MDGA2: variants seen among roughly 807,000 people sequenced by gnomAD.
MDGA2 encodes the protein MAM domain-containing glycosylphosphatidylinositol anchor protein 2.
Under a neutral mutation model 117.8 loss-of-function variants are expected in MDGA2, and 40 were observed. The observed-to-expected ratio is 0.34, with a 90% confidence interval of 0.26 to 0.44. The LOEUF (loss-of-function observed/expected upper bound fraction) is 0.44. MDGA2 is among the 20% of genes least tolerant of loss of function. The pLI is 1.00. For synonymous variants in MDGA2, 452 were observed against 439.0 expected, an observed-to-expected ratio of 1.03 and a Z score of -0.37; for missense variants, 1,123 against 1,250.6, an observed-to-expected ratio of 0.90 and a Z score of 1.54.
intron 1 of MDGA2, among the ~76,000 whole-genome samples, chr14:47,483,794 T>A (rs1011131894): frequency 2.6e-4 from 39 of 152,198 alleles, no homozygotes; most frequent in Non-Finnish European, 4.3e-4. Context: ...TATTTTCATC[T>A]TGTAGTAGTT....
chr14:47,456,982 T>A (rs991098614), intron 1 of MDGA2, among the ~76,000 whole-genome samples: 2 of 151,992 alleles, frequency 1.3e-5, no homozygotes, highest in Admixed American at 6.6e-5. Context: ...TATAATAAGA[T>A]CTTTAGAACC....
chr14:46,911,814 G>A (rs905439972), intron 10 of MDGA2, among the ~76,000 whole-genome samples: 6 of 152,064 alleles, frequency 3.9e-5, no homozygotes, highest in Non-Finnish European at 7.3e-5. Context: ...TGAGCTATAC[G>A]TACATTTAAG....
intron 2 of MDGA2, among the ~76,000 whole-genome samples, chr14:47,281,277 T>C (rs1888480142): frequency 6.6e-6 from 1 of 151,942 alleles, no homozygotes; most frequent in African/African-American, 2.4e-5. Context: ...AATTAATCTA[T>C]AAAATTCACC....
At chr14:47,536,062 C>T (rs1192015443) in intron 1 of MDGA2, among the ~76,000 whole-genome samples, 1 of 152,194 alleles carries the variant, frequency 6.6e-6, no homozygotes, top group Non-Finnish European at 1.5e-5. Context: ...AGTGTGTCCA[C>T]ATCTGTTAAC....
At chr14:47,146,248 C>T (rs1882940407) in intron 3 of MDGA2, among the ~76,000 whole-genome samples, 1 of 152,056 alleles carries the variant, frequency 6.6e-6, no homozygotes, top group African/African-American at 2.4e-5. Context: ...CACTTGACAG[C>T]CCTACTTTGA....
rs1884439643 is a variant in MDGA2 at position 47,176,244 on chromosome 14, C to G, written c.596-31970G>C. ...TACTGCCCAAGGTAATTTATAGATTCAATGCCATCCCCATCAAGCTACCAA... is the reference window on the plus strand; with the variant it reads ...TACTGCCCAAGGTAATTTATAGATTGAATGCCATCCCCATCAAGCTACCAA... On this transcript the variant is annotated intron_variant, in intron 3 of 16. Transcript: ENST00000399232. Among the ~76,000 whole-genome samples, 2 of 152,114 alleles carry G rather than the reference C, an allele frequency of 1.3e-5. 1 individual carries two copies. Among genetic ancestry groups the G allele is most frequent in the South Asian group, 4.1e-4 (2 of 4,824 alleles).
intron 1 of MDGA2, among the ~76,000 whole-genome samples, chr14:47,548,268 T>G (rs1265056400): frequency 6.6e-6 from 1 of 152,168 alleles, no homozygotes; most frequent in Non-Finnish European, 1.5e-5. Flanking sequence ...ATTGAACCCA[T>G]CATCTGAACT....
At chr14:47,618,158 CTG>C (rs1896981522) in intron 1 of MDGA2, among the ~76,000 whole-genome samples, 1 of 152,140 alleles carries the variant, frequency 6.6e-6, no homozygotes. Flanking sequence ...ATACAAATAA[CTG>C]TACTAGCTTG....
intron 1 of MDGA2, among the ~76,000 whole-genome samples, chr14:47,570,715 G>C (rs1348900387): frequency 6.6e-6 from 1 of 152,124 alleles, no homozygotes; most frequent in Non-Finnish European, 1.5e-5. Flanking sequence ...GCAGAAAGCT[G>C]AAACTGGATC....
At chr14:47,237,439 T>A (rs1886901151) in intron 2 of MDGA2, among the ~76,000 whole-genome samples, 1 of 152,166 alleles carries the variant, frequency 6.6e-6, no homozygotes, top group Admixed American at 6.6e-5. Context: ...TGAGTAGGAC[T>A]TTTAAACATA....
intron 1 of MDGA2, among the ~76,000 whole-genome samples, chr14:47,405,077 A>T (rs1461117422): frequency 6.6e-6 from 1 of 152,198 alleles, no homozygotes; most frequent in Non-Finnish European, 1.5e-5. Flanking sequence ...CAATATCTCA[A>T]AAGGTATTTT....
intron 14 of MDGA2, among the ~76,000 whole-genome samples, chr14:46,869,143 C>G (rs943436775): frequency 1.3e-5 from 2 of 151,908 alleles, no homozygotes; most frequent in East Asian, 1.9e-4. Context: ...TTGCTTTCCC[C>G]CTGTTTACTC....
chr14:47,307,314 C>A (rs981899856), intron 1 of MDGA2, among the ~76,000 whole-genome samples: 1 of 152,124 alleles, frequency 6.6e-6, no homozygotes, highest in Non-Finnish European at 1.5e-5. Flanking sequence ...GTCCATATTA[C>A]TCCTGTTGTT....
intron 6 of MDGA2, among the ~76,000 whole-genome samples, chr14:47,069,101 A>C (rs1890186102): frequency 6.6e-6 from 1 of 152,066 alleles, no homozygotes; most frequent in South Asian, 2.1e-4. Flanking sequence ...TAATCCCTCA[A>C]ACCATTTGTG....
At chr14:46,917,904 T>C (rs1883963555) in intron 10 of MDGA2, among the ~76,000 whole-genome samples, 1 of 152,186 alleles carries the variant, frequency 6.6e-6, no homozygotes, top group Non-Finnish European at 1.5e-5. Flanking sequence ...AAGGCTTAAA[T>C]GACGGGATCT....
chr14:47,315,703 G>C (rs568055664), intron 1 of MDGA2, among the ~76,000 whole-genome samples: 1 of 152,046 alleles, frequency 6.6e-6, no homozygotes, highest in Non-Finnish European at 1.5e-5. Context: ...TTAGGTCACC[G>C]TCTCTGTCAA....
intron 1 of MDGA2, among the ~76,000 whole-genome samples, chr14:47,612,883 G>A (rs552831155): frequency 4.9e-4 from 75 of 152,158 alleles, no homozygotes; most frequent in South Asian, 6.2e-4. Context: ...TAAACCTGAC[G>A]ATACTTAAAA....
chr14:47,013,727 C>G (rs570689181), intron 8 of MDGA2, among the ~76,000 whole-genome samples: 1 of 138,682 alleles, frequency 7.2e-6, no homozygotes, highest in East Asian at 2.4e-4. Flanking sequence ...TCATGGGCTG[C>G]GGAATGGATG....
intron 6 of MDGA2, among the ~76,000 whole-genome samples, chr14:47,064,152 A>G (rs920625415): frequency 2.6e-5 from 4 of 152,074 alleles, no homozygotes; most frequent in African/African-American, 9.6e-5. Flanking sequence ...ATATACAATT[A>G]GACAAATTAA....
Sources: allele counts gnomAD v4.1 joint callset (sites outside exome capture counted in the v4.1 genomes callset), GRCh38; gene constraint gnomAD v4.1.1; transcripts MANE v1.5; gene names NCBI Gene and HGNC (gene_info 2026-07-23, HGNC 2026-07-21).